The following FGGY variants were observed in gnomAD, a reference collection of about 807,000 sequenced individuals.
FGGY encodes FGGY carbohydrate kinase domain containing.
Under a neutral mutation model 71.3 loss-of-function variants are expected in FGGY, and 72 were observed. The ratio of observed to expected loss-of-function variants is 1.01; its 90% CI spans 0.84 to 1.23. The LOEUF (loss-of-function observed/expected upper bound fraction) is 1.23. FGGY is among the 50% of genes most tolerant of loss of function. The probability of loss-of-function intolerance (pLI) is 0.00; values close to 1 mark genes in which losing one functional copy is unlikely to be tolerated. For missense variants in FGGY, 668 were observed against 682.3 expected, an observed-to-expected ratio of 0.98 and a Z score of 0.23; for synonymous variants, 251 against 250.3, an observed-to-expected ratio of 1.00 and a Z score of -0.02.
intron 8 of FGGY, among the ~76,000 whole-genome samples, chr1:59,571,708 T>G (rs2095988491): frequency 6.6e-6 from 1 of 152,182 alleles, no homozygotes; most frequent in African/African-American, 2.4e-5. Context: ...TCAAATTTCA[T>G]CAATAATAGC....
At chr1:59,391,001 C>T (rs951130036) in intron 5 of FGGY, among the ~76,000 whole-genome samples, 23 of 152,144 alleles carry the variant, frequency 1.5e-4, no homozygotes, top group Non-Finnish European at 2.6e-4. Context: ...TATTCAAACC[C>T]GTATAAGAGC....
intron 5 of FGGY, among the ~76,000 whole-genome samples, chr1:59,382,481 G>T (rs1244314733): frequency 6.6e-6 from 1 of 152,146 alleles, no homozygotes; most frequent in Non-Finnish European, 1.5e-5. Flanking sequence ...GGAGGTCCCT[G>T]GAGGAGTGTT....
chr1:59,546,950 C>CTTT (rs761977942), intron 7 of FGGY, among the ~76,000 whole-genome samples: 16 of 115,202 alleles, frequency 1.4e-4, no homozygotes, highest in South Asian at 2.9e-4. Flanking sequence ...ACCTTTTTGA[C>CTTT]TTTTTTTTTT....
intron 8 of FGGY, among the ~76,000 whole-genome samples, chr1:59,560,874 A>G (rs961747393): frequency 1.3e-5 from 2 of 152,206 alleles, no homozygotes; most frequent in Non-Finnish European, 2.9e-5. Flanking sequence ...TTGCAGGATC[A>G]TGGCTTCCCC....
intron 5 of FGGY, among the ~76,000 whole-genome samples, chr1:59,403,472 C>G (rs557869510): frequency 3.1e-4 from 47 of 152,270 alleles, no homozygotes; most frequent in Admixed American, 3.3e-4. Context: ...CTGGCAGATT[C>G]TAGTCTGTAG....
chr1:59,453,370 T>C (rs2091380315), intron 5 of FGGY, among the ~76,000 whole-genome samples: 1 of 152,208 alleles, frequency 6.6e-6, no homozygotes. Flanking sequence ...AAAAATCTGC[T>C]TGGAAAAACT....
At chr1:59,757,342 T>G (rs905598626) in intron 14 of FGGY, among the ~76,000 whole-genome samples, 1 of 152,124 alleles carries the variant, frequency 6.6e-6, no homozygotes, top group Non-Finnish European at 1.5e-5. Flanking sequence ...GAGTGCCCCA[T>G]TGTAAAGAAA....
At chr1:59,613,052 A>G (rs1347482664) in intron 9 of FGGY, among the ~76,000 whole-genome samples, 1 of 152,194 alleles carries the variant, frequency 6.6e-6, no homozygotes, top group African/African-American at 2.4e-5. Flanking sequence ...ATAATGGGAG[A>G]CTTAAACCAC....
intron 14 of FGGY, among the ~76,000 whole-genome samples, chr1:59,752,373 A>G (rs576419144): frequency 6.6e-6 from 1 of 152,256 alleles, no homozygotes; most frequent in South Asian, 2.1e-4. Context: ...TGTTTCCACC[A>G]CACTAAGTTC....
intron 5 of FGGY, among the ~76,000 whole-genome samples, chr1:59,395,154 T>C (rs942133505): frequency 6.6e-6 from 1 of 152,140 alleles, no homozygotes; most frequent in African/African-American, 2.4e-5. Context: ...ACATACATTT[T>C]TCTTCTAACA....
chr1:59,674,997 G>A (rs1013212197), intron 14 of FGGY, among the ~76,000 whole-genome samples: 6 of 152,156 alleles, frequency 3.9e-5, no homozygotes, highest in South Asian at 2.1e-4. Context: ...ACAGCGCATC[G>A]TGAGTTCTGT....
At position 59,572,510 on chromosome 1, in the gene FGGY, T is replaced by C. The variant is rs1036323333; in HGVS notation, c.903+18283T>C. On this transcript the variant is annotated intron_variant, in intron 8 of 15. Coordinates refer to ENST00000303721, the MANE Select transcript of FGGY (RefSeq NM_018291.5). Reference sequence around the variant, plus strand: ...AAGGTTTTAAGCACAGTGGATAAGATAATTGAATTACAAAGGATGGAAATA... The same window carrying C: ...AAGGTTTTAAGCACAGTGGATAAGACAATTGAATTACAAAGGATGGAAATA... Among the ~76,000 whole-genome samples, 3 of 152,146 alleles carry C rather than the reference T, an allele frequency of 2.0e-5. No individual in the cohort carries two copies. The East Asian group carries it at 5.8e-4, about 29-fold the overall frequency.
intron 4 of FGGY, among the ~76,000 whole-genome samples, chr1:59,372,144 A>G (rs1161160182): frequency 6.6e-6 from 1 of 152,186 alleles, no homozygotes; most frequent in East Asian, 1.9e-4. Flanking sequence ...TGAAAGGATC[A>G]ACAAAATTGA....
chr1:59,494,057 T>G (rs1462370999), intron 6 of FGGY, among the ~76,000 whole-genome samples: 1 of 152,180 alleles, frequency 6.6e-6, no homozygotes, highest in Admixed American at 6.5e-5. Flanking sequence ...GGTTTGTATC[T>G]GCTGTGATAC....
intron 8 of FGGY, among the ~76,000 whole-genome samples, chr1:59,555,740 C>T (rs559413135): frequency 4.6e-5 from 7 of 152,300 alleles, no homozygotes; most frequent in Non-Finnish European, 8.8e-5. Context: ...TGGCTCACGC[C>T]TGTAATCCCA....
chr1:59,397,534 G>A (rs898202323), intron 5 of FGGY, among the ~76,000 whole-genome samples: 1 of 152,208 alleles, frequency 6.6e-6, no homozygotes, highest in Admixed American at 6.5e-5. Flanking sequence ...TAGAGGGCAA[G>A]GCAGATACTA....
chr1:59,388,054 T>C (rs958722980), intron 5 of FGGY, among the ~76,000 whole-genome samples: 10 of 152,136 alleles, frequency 6.6e-5, no homozygotes, highest in Non-Finnish European at 1.0e-4. Flanking sequence ...TAGCCTCTAG[T>C]GTATAGAACT....
intron 7 of FGGY, among the ~76,000 whole-genome samples, chr1:59,512,749 C>T (rs1256690295): frequency 2.6e-5 from 4 of 152,206 alleles, no homozygotes; most frequent in Admixed American, 1.3e-4. Flanking sequence ...TTTCTTGCCA[C>T]ACTTAGCTCT....
chr1:59,740,228 A>G (rs2098136698), intron 14 of FGGY, among the ~76,000 whole-genome samples: 1 of 152,240 alleles, frequency 6.6e-6, no homozygotes, highest in African/African-American at 2.4e-5. Flanking sequence ...CTTTCCTAAT[A>G]GGAACCTGAA....
Sources: allele counts gnomAD v4.1 joint callset (sites outside exome capture counted in the v4.1 genomes callset), GRCh38; gene constraint gnomAD v4.1.1; transcripts MANE v1.5; gene names NCBI Gene and HGNC (gene_info 2026-07-23, HGNC 2026-07-21).